SLCO3A1: variants seen among roughly 807,000 people sequenced by gnomAD.
SLCO3A1 encodes the protein solute carrier organic anion transporter family member 3A1, also known as PGE1 transporter.
Under a neutral mutation model 63.1 loss-of-function variants are expected in SLCO3A1, and 27 were observed. That is an observed-to-expected ratio of 0.43 (90% CI 0.32 to 0.59). SLCO3A1 has a LOEUF of 0.59. Ranked by LOEUF, SLCO3A1 falls within the 20% of genes least tolerant of loss-of-function variation. The pLI is 0.09. For synonymous variants in SLCO3A1, 473 were observed against 409.9 expected (o/e 1.15, Z -1.86); for missense variants, 773 against 945.8 (o/e 0.82, Z 2.40).
intron 2 of SLCO3A1, among the ~76,000 whole-genome samples, chr15:92,028,015 G>T (rs1345092363): frequency 3.3e-5 from 5 of 152,184 alleles, no homozygotes; most frequent in African/African-American, 4.8e-5. Flanking sequence ...ACCATGTTGA[G>T]AATCTTCCCT....
At chr15:92,105,801 G>C (rs1016097800) in intron 4 of SLCO3A1, among the ~76,000 whole-genome samples, 1 of 152,210 alleles carries the variant, frequency 6.6e-6, no homozygotes, top group Non-Finnish European at 1.5e-5. Context: ...GCAGGAATGC[G>C]GCACTCAGCC....
intron 2 of SLCO3A1, among the ~76,000 whole-genome samples, chr15:91,934,993 C>T (rs1899357731): frequency 6.6e-6 from 1 of 152,114 alleles, no homozygotes; most frequent in South Asian, 2.1e-4. Flanking sequence ...CTCGCTTTGT[C>T]GCCAGGCTGG....
chr15:91,983,931 C>T (rs2046018398), intron 2 of SLCO3A1, among the ~76,000 whole-genome samples: 1 of 152,188 alleles, frequency 6.6e-6, no homozygotes, highest in Non-Finnish European at 1.5e-5. Flanking sequence ...TTGAATCCGT[C>T]TATGGTAACT....
At position 91,856,275 on chromosome 15, in the gene SLCO3A1, G is replaced by C. The variant is rs987152374; in HGVS notation, c.180+2187G>C. ...TTGCAGAAAGCAGCTGGAGGCCCAG[G>C]AGAGGACAGGCCTAGGAAATTGAAT... On this transcript the variant is annotated intron_variant, in intron 1 of 9. Coordinates refer to ENST00000318445, the MANE Select transcript of SLCO3A1 (RefSeq NM_013272.4). This position sits in a 1 kb window ranked among gnomAD's most constrained non-coding sequence, Gnocchi z 4.9. Among the ~76,000 whole-genome samples, 6 of 152,112 alleles carry C rather than the reference G, an allele frequency of 3.9e-5. No homozygotes were observed. Among genetic ancestry groups the C allele is most frequent in the Admixed American group, 3.9e-4 (6 of 15,272 alleles).
At chr15:91,869,026 A>C (rs1198007699) in intron 1 of SLCO3A1, among the ~76,000 whole-genome samples, 1 of 152,212 alleles carries the variant, frequency 6.6e-6, no homozygotes, top group African/African-American at 2.4e-5. Context: ...TTCAGAAATA[A>C]TCATGACTGG....
chr15:91,905,798 A>C (rs903988754), intron 1 of SLCO3A1, among the ~76,000 whole-genome samples: 3 of 152,300 alleles, frequency 2.0e-5, no homozygotes. Context: ...ATTTCATATG[A>C]CCTCAGAACT....
rs138185653 is a variant in SLCO3A1, at chr15:91,916,933, C to T, written c.646+475C>T. 2.0e-5 allele frequency among the ~76,000 whole-genome samples: 3 copies of T among 151,974 alleles called. No individual in the cohort carries two copies. The highest frequency in any genetic ancestry group is 2.9e-5 in the Non-Finnish European group (2 of 68,014). ...GGCATCATTCGAAGTTGGTGACTTC[C>T]GGTAATTTTTTCAATAATGGAAGTA... On this transcript the variant is annotated intron_variant, in intron 2 of 9. Coordinates refer to ENST00000318445, the MANE Select transcript of SLCO3A1 (RefSeq NM_013272.4). This position sits in a 1 kb window ranked among gnomAD's most constrained non-coding sequence, Gnocchi z 6.2.
intron 2 of SLCO3A1, among the ~76,000 whole-genome samples, chr15:91,933,548 A>G (rs1035564327): frequency 1.4e-4 from 21 of 152,222 alleles, no homozygotes; most frequent in Non-Finnish European, 3.1e-4. Flanking sequence ...ATCACAGAAT[A>G]TTGCAGTATA....
intron 2 of SLCO3A1, among the ~76,000 whole-genome samples, chr15:92,037,983 G>A (rs1031802817): frequency 6.6e-6 from 1 of 152,204 alleles, no homozygotes; most frequent in East Asian, 1.9e-4. Flanking sequence ...AATCTCACAT[G>A]TATAGTAGTG....
In SLCO3A1 at chr15:91,854,733, G is replaced by A. The variant is rs923563981; in HGVS notation, c.180+645G>A. On this transcript the variant is annotated intron_variant, in intron 1 of 9. Coordinates refer to ENST00000318445, the MANE Select transcript of SLCO3A1 (RefSeq NM_013272.4). The surrounding 1 kb of genome is among the most constrained non-coding windows in gnomAD (Gnocchi z 6.4). ...GTTACGGTACCTAGAGAGCAGCTGCGAGTTTGTGTAGTTCCTGCTATCCAC... is the reference window on the plus strand; with the variant it reads ...GTTACGGTACCTAGAGAGCAGCTGCAAGTTTGTGTAGTTCCTGCTATCCAC... 6.6e-6 allele frequency among the ~76,000 whole-genome samples: 1 copy of A among 152,146 alleles called. No individual in the cohort carries two copies. Among genetic ancestry groups the A allele is most frequent in the African/African-American group, 2.4e-5 (1 of 41,438 alleles).
intron 2 of SLCO3A1, among the ~76,000 whole-genome samples, chr15:91,987,581 G>A (rs1054954104): frequency 6.6e-6 from 1 of 151,780 alleles, no homozygotes; most frequent in Non-Finnish European, 1.5e-5. Flanking sequence ...GTCTCTACTA[G>A]AAGCTACAAA....
At chr15:91,891,142 A>AC (rs1453294022) in intron 1 of SLCO3A1, among the ~76,000 whole-genome samples, 1 of 71,836 alleles carries the variant, frequency 1.4e-5, no homozygotes, top group Non-Finnish European at 2.2e-5. Flanking sequence ...GCATTTTGGA[A>AC]AAAAAAAAAA....
At chr15:91,958,436 C>T (rs1000580429) in intron 2 of SLCO3A1, among the ~76,000 whole-genome samples, 2 of 152,188 alleles carry the variant, frequency 1.3e-5, no homozygotes, top group African/African-American at 2.4e-5. Flanking sequence ...GGCAGCCCCG[C>T]GTTTGAATGC....
At chr15:92,005,649 G>T (rs992061070) in intron 2 of SLCO3A1, among the ~76,000 whole-genome samples, 4 of 152,172 alleles carry the variant, frequency 2.6e-5, no homozygotes, top group African/African-American at 4.8e-5. Flanking sequence ...GAGCTGGGGG[G>T]ATGGACCCCT....
At chr15:91,913,461 A>G (rs1898548969) in intron 1 of SLCO3A1, among the ~76,000 whole-genome samples, 1 of 152,250 alleles carries the variant, frequency 6.6e-6, no homozygotes, top group African/African-American at 2.4e-5. Flanking sequence ...AGGTGGGACC[A>G]GGCCTCTCAA....
Position 91,912,656 on chromosome 15 carries a change from A to T in SLCO3A1, c.181-3337A>T, listed in dbSNP as rs554293766. On this transcript the variant is annotated intron_variant, in intron 1 of 9. Coordinates refer to ENST00000318445, the MANE Select transcript of SLCO3A1 (RefSeq NM_013272.4). The surrounding 1 kb of genome is among the most constrained non-coding windows in gnomAD (Gnocchi z 5.0). ...TTTGTTGTCTTGTGTGTATGTCATG[A>T]GGCATCATGGCAAAAATGAGATACA... is the stretch of plus-strand genomic sequence containing the variant. Among the ~76,000 whole-genome samples the T allele has an allele frequency of 6.6e-6, 1 of 152,306 alleles. No individual in the cohort carries two copies. The highest frequency in any genetic ancestry group is 6.5e-5 in the Admixed American group (1 of 15,296).
At chr15:91,889,348 T>A in intron 1 of SLCO3A1, 1 of 355,878 alleles carries the variant, frequency 2.8e-6, no homozygotes, top group South Asian at 2.2e-5. Context: ...TCAGCACTTA[T>A]CCTAGCCCTT....
At chr15:92,095,262 G>A (rs2047524393) in intron 3 of SLCO3A1, among the ~76,000 whole-genome samples, 1 of 152,190 alleles carries the variant, frequency 6.6e-6, no homozygotes, top group Admixed American at 6.5e-5. Flanking sequence ...TAAATAAAGG[G>A]TAACAATAAT....
At chr15:91,895,364 C>T (rs1897977507) in intron 1 of SLCO3A1, among the ~76,000 whole-genome samples, 2 of 152,096 alleles carry the variant, frequency 1.3e-5, no homozygotes, top group Non-Finnish European at 2.9e-5. Flanking sequence ...AACAATGAAC[C>T]AGGAAAGGAA....
Sources: allele counts gnomAD v4.1 joint callset (sites outside exome capture counted in the v4.1 genomes callset), GRCh38; gene constraint gnomAD v4.1.1; non-coding constraint Gnocchi (gnomAD v3.1); transcripts MANE v1.5; gene names NCBI Gene and HGNC (gene_info 2026-07-23, HGNC 2026-07-21).